KCNJ5: variants seen among roughly 807,000 people sequenced by gnomAD.
KCNJ5 encodes the protein potassium inwardly rectifying channel subfamily J member 5.
KCNJ5 carries 12 observed loss-of-function variants against 20.2 expected under a neutral mutation model. That is an observed-to-expected ratio of 0.59 (90% CI 0.38 to 0.96). The LOEUF (loss-of-function observed/expected upper bound fraction) is 0.96, where lower values mean the gene tolerates loss of function less well. Among genes scored for constraint, KCNJ5 ranks in the 40% least tolerant of loss-of-function variants. The pLI, the probability that KCNJ5 is intolerant of heterozygous loss-of-function variation, is 0.00. For synonymous variants in KCNJ5, 210 were observed against 213.9 expected, an observed-to-expected ratio of 0.98 and a Z score of 0.16; for missense variants, 449 against 557.6, an observed-to-expected ratio of 0.81 and a Z score of 1.96.
rs1944088487 is a variant in KCNJ5 at position 128,891,469 on chromosome 11, GAGAGAGAT to G, written c.-262_-255del. The stretch of plus-strand genomic sequence containing the variant: ...AGAGAGAGAGAGAGAGAGAGAGAGA[GAGAGAGAT>G]TGTTCCAGCTGCTCTCGCTAGAGAA... On this transcript the variant is annotated 5_prime_UTR_variant, in exon 1 of 3. Transcript: ENST00000529694. 1 of 152,488 alleles carries G rather than the reference GAGAGAGAT, an allele frequency of 6.6e-6. No individual in the cohort carries two copies. Among genetic ancestry groups the G allele is most frequent in the African/African-American group, 2.4e-5 (1 of 41,074 alleles). 9.4% of individuals were successfully genotyped at this position (152,488 alleles called of 1,614,324 possible). A position where few individuals can be genotyped will look rare whatever the true frequency, so the allele number is the denominator to read the frequency against.
rs1362653574 is a variant in KCNJ5, at chr11:128,916,760, C to T, written c.*29C>T. ...GTGCAGCCTCCCTAAGACCTCCTGTCACTGGCTTCAGTGAACACAGACACT... is the reference window on the plus strand; with the variant it reads ...GTGCAGCCTCCCTAAGACCTCCTGTTACTGGCTTCAGTGAACACAGACACT... On this transcript the variant is annotated 3_prime_UTR_variant, in exon 3 of 3. Coordinates refer to ENST00000529694, the MANE Select transcript of KCNJ5 (RefSeq NM_000890.5). 6.6e-7 allele frequency: 1 copy of T among 1,523,346 alleles called. No homozygotes were observed. Among genetic ancestry groups the T allele is most frequent in the South Asian group, 1.2e-5 (1 of 84,752 alleles). The allele number at this position is 1,523,346 out of a possible 1,614,324, so 94.4% of individuals were successfully genotyped here.
Position 128,916,794 on chromosome 11 carries a change from T to A in KCNJ5, c.*63T>A. 1 of 1,279,602 alleles carries A rather than the reference T, an allele frequency of 7.8e-7. No homozygotes were observed. Among genetic ancestry groups the A allele is most frequent in the Non-Finnish European group, 1.1e-6 (1 of 919,266 alleles). The allele number at this position is 1,279,602 out of a possible 1,614,324, so 79.3% of individuals were successfully genotyped here. ...CAGTGAACACAGACACTGCAGAGCCTGGGAGCAGGGGAGGGGAATAGTTGA... is the reference window on the plus strand; with the variant it reads ...CAGTGAACACAGACACTGCAGAGCCAGGGAGCAGGGGAGGGGAATAGTTGA... On this transcript the variant is annotated 3_prime_UTR_variant, in exon 3 of 3. Coordinates refer to ENST00000529694, the MANE Select transcript of KCNJ5 (RefSeq NM_000890.5).
chr11:128,916,791 G>A lies in KCNJ5; in HGVS notation c.*60G>A, dbSNP rs1305218573. Reference sequence around the variant, plus strand: ...CTTCAGTGAACACAGACACTGCAGAGCCTGGGAGCAGGGGAGGGGAATAGT... The same window carrying A: ...CTTCAGTGAACACAGACACTGCAGAACCTGGGAGCAGGGGAGGGGAATAGT... On this transcript the variant is annotated 3_prime_UTR_variant, in exon 3 of 3. Transcript: ENST00000529694. 1 of 1,312,062 alleles carries A rather than the reference G, an allele frequency of 7.6e-7. No homozygotes were observed. The highest frequency in any genetic ancestry group is 1.5e-5 in the African/African-American group (1 of 67,808). 81.3% of individuals were successfully genotyped at this position (1,312,062 alleles called of 1,614,324 possible).
At chr11:128,904,726 A>T in intron 1 of KCNJ5, 1 of 583,684 alleles carries the variant, frequency 1.7e-6, no homozygotes, top group Non-Finnish European at 3.1e-6. Flanking sequence ...ACATAATTCA[A>T]ACACCCAGTG....
At chr11:128,905,099 T>G (rs1171642173) in intron 1 of KCNJ5, among the ~76,000 whole-genome samples, 1 of 152,214 alleles carries the variant, frequency 6.6e-6, no homozygotes, top group East Asian at 1.9e-4. Flanking sequence ...TCCACCGGTG[T>G]GGCTTGGGCA....
chr11:128,899,039 C>A (rs1944222029), intron 1 of KCNJ5, among the ~76,000 whole-genome samples: 1 of 152,132 alleles, frequency 6.6e-6, no homozygotes, highest in Non-Finnish European at 1.5e-5. Flanking sequence ...TGTTTCATTT[C>A]TTACCCCATG....
At position 128,911,723 on chromosome 11, in the gene KCNJ5, T is replaced by A. The variant is rs2135999031; in HGVS notation, c.450T>A (p.Ile150=). 6.2e-7 allele frequency: 1 copy of A among 1,614,096 alleles called. No individual in the cohort carries two copies. Among genetic ancestry groups the A allele is most frequent in the East Asian group, 2.2e-5 (1 of 44,874 alleles). The change falls in exon 2 of 3, where the codon ATT becomes ATA. Residue 150 remains isoleucine, a synonymous_variant. Transcript: ENST00000529694. The surrounding 1 kb of genome is among the most constrained non-coding windows in gnomAD (Gnocchi z 6.3). Reference sequence around the variant, plus strand: ...TCTCCATTGAGACCGAAACAACCATTGGGTATGGCTTCCGAGTCATCACAG... The same window carrying A: ...TCTCCATTGAGACCGAAACAACCATAGGGTATGGCTTCCGAGTCATCACAG... ...FLFSIETETT[I]GYGFRVITEK... is the part of the protein sequence containing the mutation.
intron 1 of KCNJ5, among the ~76,000 whole-genome samples, chr11:128,908,279 T>G (rs185679350): frequency 6.6e-6 from 1 of 152,384 alleles, no homozygotes; most frequent in African/African-American, 2.4e-5. Context: ...TCATGTATTC[T>G]TTCCATGAAT....
chr11:128,915,141 A>G (rs1250135107), intron 2 of KCNJ5, among the ~76,000 whole-genome samples: 1 of 152,236 alleles, frequency 6.6e-6, no homozygotes, highest in Non-Finnish European at 1.5e-5. Flanking sequence ...CAACCAACAC[A>G]GTTAATGCCT....
Position 128,902,923 on chromosome 11 carries a change from A to G in KCNJ5, c.-10-8341A>G, listed in dbSNP as rs192123673. Among the ~76,000 whole-genome samples, 594 of 152,290 alleles carry G rather than the reference A, an allele frequency of 3.9e-3. 1 individual carries two copies. The highest frequency in any genetic ancestry group is 5.6e-3 in the South Asian group (27 of 4,818). On this transcript the variant is annotated intron_variant, in intron 1 of 2. Coordinates refer to ENST00000529694, the MANE Select transcript of KCNJ5 (RefSeq NM_000890.5). ...TTCTCTATGGCTTGCTCACTTTTTCAAAAATTGTTGAATTAGTGGTCAACA... is the reference window on the plus strand; with the variant it reads ...TTCTCTATGGCTTGCTCACTTTTTCGAAAATTGTTGAATTAGTGGTCAACA...
chr11:128,903,480 G>A (rs1944329273), intron 1 of KCNJ5: 1 of 1,613,912 alleles, frequency 6.2e-7, no homozygotes, highest in Non-Finnish European at 8.5e-7. Flanking sequence ...GTGAGGAGGT[G>A]TTACCCTCAC....
chr11:128,903,907 A>G (rs4937389), intron 1 of KCNJ5, among the ~76,000 whole-genome samples: 44,847 of 151,556 alleles, frequency 0.3, 7,008 homozygotes, highest in African/African-American at 0.41. Flanking sequence ...TCCCCCCGGG[A>G]CTCAGAACAA....
rs751503904 is a variant in KCNJ5, at chr11:128,911,964, G to C, written c.691G>C (p.Glu231Gln). The change falls in exon 2 of 3, where the codon GAG becomes CAG. Residue 231 changes from glutamate (E) to glutamine (Q), a missense_variant. By Grantham distance (29) the Glu-to-Gln change is conservative. Transcript: ENST00000529694. This position sits in a 1 kb window ranked among gnomAD's most constrained non-coding sequence, Gnocchi z 6.3. ...CGACCTCCGCAACTCCCACATCGTGGAGGCCTCCATCCGGGCCAAGCTCAT... is the reference window on the plus strand; with the variant it reads ...CGACCTCCGCAACTCCCACATCGTGCAGGCCTCCATCCGGGCCAAGCTCAT... The part of the protein sequence containing the change: ...VGDLRNSHIV[E>Q]ASIRAKLIKS... The C allele has an allele frequency of 2.5e-6, 4 of 1,600,790 alleles. No individual in the cohort carries two copies. In the Admixed American group the frequency reaches 5.1e-5, roughly 20 times the overall value.
Position 128,912,924 on chromosome 11 carries a change from A to T in KCNJ5, c.937+714A>T, listed in dbSNP as rs543256698. ...GCTAGGATGGAAATTGAGACCAGGG[A>T]CCCCAGAGCCAGCACTTGTTTCCAA... On this transcript the variant is annotated intron_variant, in intron 2 of 2. Coordinates refer to ENST00000529694, the MANE Select transcript of KCNJ5 (RefSeq NM_000890.5). Among the ~76,000 whole-genome samples the T allele has an allele frequency of 1.1e-4, 17 of 152,318 alleles. No individual in the cohort carries two copies. The South Asian group carries it at 3.5e-3, about 32-fold the overall frequency.
rs148667626 is a variant in KCNJ5 at position 128,902,857 on chromosome 11, C to G, written c.-10-8407C>G. On this transcript the variant is annotated intron_variant, in intron 1 of 2. Coordinates refer to ENST00000529694, the MANE Select transcript of KCNJ5 (RefSeq NM_000890.5). The stretch of plus-strand genomic sequence containing the variant: ...TCTCCGACTCCCTAGCCCAGAAATA[C>G]GAACCGGCAGCTGACAGACTGAATC... The G allele has an allele frequency of 1.0e-5, 9 of 866,236 alleles. No individual in the cohort carries two copies. The East Asian group carries it at 2.1e-4, about 20-fold the overall frequency. 53.7% of individuals were successfully genotyped at this position (866,236 alleles called of 1,614,324 possible). A position where few individuals can be genotyped will look rare whatever the true frequency, so the allele number is the denominator to read the frequency against.
At chr11:128,906,458 G>C (rs1944417554) in intron 1 of KCNJ5, among the ~76,000 whole-genome samples, 1 of 152,166 alleles carries the variant, frequency 6.6e-6, no homozygotes, top group Admixed American at 6.5e-5. Context: ...TGTGTCCTCT[G>C]CTCTGTTCCC....
intron 1 of KCNJ5, chr11:128,906,066 C>T (rs1944409422): frequency 6.6e-6 from 1 of 152,154 alleles, no homozygotes; most frequent in Non-Finnish European, 1.5e-5. Flanking sequence ...CCTCCAGCCC[C>T]TTTCCCAGCC....
intron 1 of KCNJ5, among the ~76,000 whole-genome samples, chr11:128,910,247 C>T (rs1944476616): frequency 6.6e-6 from 1 of 152,094 alleles, no homozygotes; most frequent in Non-Finnish European, 1.5e-5. Flanking sequence ...ACCTGTATTG[C>T]AGGTGTGTGG....
intron 1 of KCNJ5, chr11:128,901,387 A>AAC (rs112364282): frequency 3.0e-4 from 46 of 152,132 alleles, no homozygotes; most frequent in South Asian, 2.7e-3. Context: ...AGTGCACGCA[A>AAC]ACACACACAC....
Sources: gnomAD v4.1 joint callset for allele counts (sites outside exome capture counted in the v4.1 genomes callset) on GRCh38, gnomAD v4.1.1 for gene constraint, Gnocchi (gnomAD v3.1) non-coding constraint, MANE v1.5 for transcripts, NCBI Gene and HGNC (gene_info 2026-07-23, HGNC 2026-07-21) for gene names.